The following TACO1 variants were observed in gnomAD, a reference collection of about 807,000 sequenced individuals.
The protein encoded by TACO1 is translational activator of cytochrome c oxidase 1.
Under a neutral mutation model 24.0 loss-of-function variants are expected in TACO1, and 13 were observed. The observed-to-expected ratio is 0.54, with a 90% confidence interval of 0.35 to 0.86. The LOEUF (loss-of-function observed/expected upper bound fraction) is 0.86, where lower values mean the gene tolerates loss of function less well. TACO1 is among the 40% of genes least tolerant of loss of function. The pLI is 0.01. For missense variants in TACO1, 352 were observed against 380.1 expected (o/e 0.93, Z 0.61); for synonymous variants, 149 against 153.5 (o/e 0.97, Z 0.22).
chr17:63,604,667 T>A (rs765874425), intron 2 of TACO1, 27 bp downstream of exon 2: 16 of 1,593,144 alleles, frequency 1.0e-5, no homozygotes, highest in Non-Finnish European at 1.4e-5. Context: ...ATGCTTTTTA[T>A]TGATCACAGC....
Position 63,601,190 on chromosome 17 carries a change from A to G in TACO1, c.107A>G (p.His36Arg), listed in dbSNP as rs2033817810. 3.9e-6 allele frequency: 6 copies of G among 1,556,824 alleles called. No homozygotes were observed. The Admixed American group carries it at 7.7e-5, about 20-fold the overall frequency. The part of the protein sequence containing the change: ...AAPPRDPRPS[H>R]PEPRGCGAAP... The stretch of plus-strand genomic sequence containing the variant: ...CCTCCGCGCGACCCCCGGCCCTCCC[A>G]CCCCGAGCCCCGGGGCTGCGGTGCC... Residue 36 changes from histidine to arginine, a missense_variant, in exon 1 of 5, where the codon CAC becomes CGC. Coordinates refer to ENST00000258975, the MANE Select transcript of TACO1 (RefSeq NM_016360.4).
chr17:63,606,394 A>T lies in TACO1; in HGVS notation c.469A>T (p.Ser157Cys). The T allele has an allele frequency of 6.2e-7, 1 of 1,614,216 alleles. No individual in the cohort carries two copies. Among genetic ancestry groups the T allele is most frequent in the Non-Finnish European group, 8.5e-7 (1 of 1,180,044 alleles). The part of the protein sequence containing the change: ...SLLIEALSNS[S>C]HKCQADIRHI... ...GCTCATCGAGGCATTATCTAACAGTAGCCACAAGTGCCAAGCAGACATTAG... is the reference window on the plus strand; with the variant it reads ...GCTCATCGAGGCATTATCTAACAGTTGCCACAAGTGCCAAGCAGACATTAG... The change falls in exon 3 of 5, where the codon AGC (serine) becomes TGC (cysteine). Residue 157 changes from serine (S) to cysteine (C), a missense_variant. Ser to Cys is a moderately radical substitution (Grantham distance 112, BLOSUM62 -1). Coordinates refer to ENST00000258975, the MANE Select transcript of TACO1 (RefSeq NM_016360.4).
intron 3 of TACO1, 44 bp downstream of exon 3, chr17:63,606,484 T>C: frequency 6.2e-7 from 1 of 1,612,458 alleles, no homozygotes; most frequent in Non-Finnish European, 8.5e-7. Context: ...AGAGCCTTTA[T>C]GTTCCAATTC....
At chr17:63,602,173 T>C (rs577628441) in intron 1 of TACO1, among the ~76,000 whole-genome samples, 65 of 148,274 alleles carry the variant, frequency 4.4e-4, no homozygotes, top group African/African-American at 1.6e-3. Context: ...AGCAGGAGAA[T>C]TGCTTGAACC....
At chr17:63,606,668 C>A in intron 3 of TACO1, 1 of 543,474 alleles carries the variant, frequency 1.8e-6, no homozygotes, top group East Asian at 3.4e-5. Context: ...GCCTCAGCCT[C>A]CTGAGTAGCT....
In TACO1 at chr17:63,601,952, C is replaced by G. The variant is rs939206206; in HGVS notation, c.280+589C>G. On this transcript the variant is annotated intron_variant, in intron 1 of 4. Transcript: ENST00000258975. ...CATCTGTAGGAGCAAAGGAAAAGTC[C>G]TGTAGAAAGCATGGACTTTGGACTG... is the stretch of plus-strand genomic sequence containing the variant. Among the ~76,000 whole-genome samples, 3 of 151,968 alleles carry G rather than the reference C, an allele frequency of 2.0e-5. No individual in the cohort carries two copies. The East Asian group carries it at 5.8e-4, about 29-fold the overall frequency.
chr17:63,606,526 G>C (rs1019724208), intron 3 of TACO1, 86 bp downstream of exon 3: 8 of 1,555,674 alleles, frequency 5.1e-6, no homozygotes, highest in Non-Finnish European at 7.1e-6. Flanking sequence ...ATCTCTGCTA[G>C]TGTTTCAGGG....
At position 63,601,175 on chromosome 17, in the gene TACO1, A is replaced by AC. The variant is rs759254294; in HGVS notation, c.97dup (p.Arg33ProfsTer68). 1 of 1,547,186 alleles carries AC rather than the reference A, an allele frequency of 6.5e-7. No homozygotes were observed. The highest frequency in any genetic ancestry group is 2.4e-5 in the East Asian group (1 of 41,088). Reference sequence around the variant, plus strand: ...GGGGTCAGGGCGGCTCCTCCGCGCGACCCCCGGCCCTCCCACCCCGAGCCC... The same window carrying AC: ...GGGGTCAGGGCGGCTCCTCCGCGCGACCCCCCGGCCCTCCCACCCCGAGCCC... On this transcript the variant is annotated frameshift_variant, in exon 1 of 5. Transcript: ENST00000258975. LOFTEE classifies it high-confidence loss of function.
intron 1 of TACO1, among the ~76,000 whole-genome samples, chr17:63,604,101 G>A (rs1395018662): frequency 6.6e-6 from 1 of 152,130 alleles, no homozygotes; most frequent in African/African-American, 2.4e-5. Flanking sequence ...ACTTTCGGAG[G>A]CCAAGGTGTG....
At chr17:63,607,490 G>C in intron 4 of TACO1, 26 bp downstream of exon 4, 3 of 1,613,818 alleles carry the variant, frequency 1.9e-6, no homozygotes, top group South Asian at 1.1e-5. Context: ...TGGGTGTTTG[G>C]TGGGCTTCCG....
chr17:63,604,687 G>T, intron 2 of TACO1, 47 bp downstream of exon 2: 1 of 1,543,726 alleles, frequency 6.5e-7, no homozygotes, highest in Non-Finnish European at 9.0e-7. Context: ...CCTCTACCGG[G>T]CTCATGTCTG....
chr17:63,601,372 CT>C lies in TACO1; in HGVS notation c.280+10del. The C allele has an allele frequency of 6.2e-7, 1 of 1,611,352 alleles. No homozygotes were observed. The highest frequency in any genetic ancestry group is 2.2e-5 in the East Asian group (1 of 44,876). ...CCGCCTGGCAGTGAAAGGTGAGACC[CT>C]GACGGTCACCCAGCACTGGCTGCCG... On this transcript the variant is annotated intron_variant, in intron 1 of 4. Coordinates refer to ENST00000258975, the MANE Select transcript of TACO1 (RefSeq NM_016360.4).
Position 63,601,364 on chromosome 17 carries a change from G to A in TACO1, c.280+1G>A. 3 of 1,612,102 alleles carry A rather than the reference G, an allele frequency of 1.9e-6. No individual in the cohort carries two copies. The highest frequency in any genetic ancestry group is 2.5e-6 in the Non-Finnish European group (3 of 1,179,886). On this transcript the variant is annotated splice_donor_variant, in intron 1 of 4. Coordinates refer to ENST00000258975, the MANE Select transcript of TACO1 (RefSeq NM_016360.4). LOFTEE classifies it high-confidence loss of function. ...TTGAACATCCGCCTGGCAGTGAAAG[G>A]TGAGACCCTGACGGTCACCCAGCAC...
In TACO1 at chr17:63,607,370, C is replaced by T; in HGVS notation, c.599C>T (p.Ala200Val). The T allele has an allele frequency of 6.2e-7, 1 of 1,614,206 alleles. No homozygotes were observed. The highest frequency in any genetic ancestry group is 1.1e-5 in the South Asian group (1 of 91,088). Residue 200 changes from alanine to valine, a missense_variant, in exon 4 of 5, where the codon GCT (alanine) becomes GTT (valine). Coordinates refer to ENST00000258975, the MANE Select transcript of TACO1 (RefSeq NM_016360.4). The stretch of plus-strand genomic sequence containing the variant: ...GAAGTGGAGGACAGAGAGAAGAAGG[C>T]TGTGAACCTAGAGCGTGCCCTGGAG... ...VVEVEDREKKAVNLERALEMA... is the reference protein window; with the variant it reads ...VVEVEDREKKVVNLERALEMA...
At chr17:63,604,256 T>G (rs2033845286) in intron 1 of TACO1, among the ~76,000 whole-genome samples, 1 of 152,032 alleles carries the variant, frequency 6.6e-6, no homozygotes, top group Non-Finnish European at 1.5e-5. Flanking sequence ...GAGAATCACT[T>G]GAACCCAGGA....
intron 1 of TACO1, 77 bp from the exon 2 acceptor site, chr17:63,604,457 G>A (rs1476222327): frequency 3.1e-6 from 4 of 1,311,080 alleles, no homozygotes; most frequent in Non-Finnish European, 4.4e-6. Context: ...TGGTGGGGCT[G>A]GAAATCCCTT....
Position 63,608,123 on chromosome 17 carries a change from A to C in TACO1, c.*121A>C. ...GGAGGCTCAGCAGGCCAGGAGGCCC[A>C]AGGACAGGACTTGCGACCTTGAAGC... On this transcript the variant is annotated 3_prime_UTR_variant, in exon 5 of 5. Transcript: ENST00000258975. 1 of 1,129,996 alleles carries C rather than the reference A, an allele frequency of 8.8e-7. No individual in the cohort carries two copies. The allele number at this position is 1,129,996 out of a possible 1,614,324, so 70.0% of individuals were successfully genotyped here.
chr17:63,604,839 A>T (rs1196212074), intron 2 of TACO1, among the ~76,000 whole-genome samples, 199 bp downstream of exon 2: 1 of 151,860 alleles, frequency 6.6e-6, no homozygotes, highest in Non-Finnish European at 1.5e-5. Flanking sequence ...GCATGGTGAA[A>T]CTCCATCTCT....
At chr17:63,607,159 G>C (rs182035214) in intron 3 of TACO1, 128 bp from the exon 4 acceptor site, 1 of 877,392 alleles carries the variant, frequency 1.1e-6, no homozygotes, top group African/African-American at 1.7e-5. Flanking sequence ...TTGAGGATGC[G>C]ATCTGCTCCA....
Sources: gnomAD v4.1 joint callset for allele counts (sites outside exome capture counted in the v4.1 genomes callset) on GRCh38, gnomAD v4.1.1 for gene constraint, MANE v1.5 for transcripts, NCBI Gene and HGNC (gene_info 2026-07-23, HGNC 2026-07-21) for gene names.